Variants in FAAH2 observed in about 807,000 individuals in gnomAD.
FAAH2 encodes the protein fatty-acid amide hydrolase 2.
In FAAH2, 60 loss-of-function variants were observed where a neutral mutation model predicts 36.9. That is an observed-to-expected ratio of 1.63 (90% CI 1.32 to 2.02). The LOEUF (loss-of-function observed/expected upper bound fraction) is 2.02. FAAH2 is among the 30% of genes most tolerant of loss of function. FAAH2 has a pLI of 0.00. For synonymous variants in FAAH2, 214 were observed against 143.8 expected (o/e 1.49, Z -3.49); for missense variants, 689 against 397.5 (o/e 1.73, Z -6.23).
intron 5 of FAAH2, among the ~76,000 whole-genome samples, chrX:57,360,333 A>G (rs763105485): frequency 8.1e-5 from 9 of 110,463 alleles, no homozygotes; most frequent in Non-Finnish European, 1.7e-4. Flanking sequence ...ATGGTGTCAC[A>G]TGAGTTTCTT....
intron 10 of FAAH2, among the ~76,000 whole-genome samples, chrX:57,469,694 A>G (rs1395143077): frequency 9.0e-6 from 1 of 111,581 alleles, no homozygotes; most frequent in African/African-American, 3.3e-5. Context: ...GATCAGTGAG[A>G]CAGAAAGTTA....
the FAAH2 span, among the ~76,000 whole-genome samples, chrX:57,242,483 G>A: frequency 8.9e-6 from 1 of 112,058 alleles, no homozygotes; most frequent in Non-Finnish European, 1.9e-5. Context: ...GGCTAAACAA[G>A]AACAGTTCTG....
At chrX:57,167,095 A>C in the FAAH2 span, among the ~76,000 whole-genome samples, 4 of 111,674 alleles carry the variant, frequency 3.6e-5, no homozygotes, top group Non-Finnish European at 7.5e-5. Flanking sequence ...TGGGTGCCCT[A>C]ATGTCTGGAA....
the FAAH2 span, among the ~76,000 whole-genome samples, chrX:57,160,356 A>T: frequency 2.1e-4 from 24 of 111,935 alleles, no homozygotes; most frequent in Admixed American, 1.7e-3. Flanking sequence ...TGGCCTCATA[A>T]AATGAGTTAG....
intron 10 of FAAH2, among the ~76,000 whole-genome samples, chrX:57,457,339 C>T (rs752429538): frequency 2.1e-4 from 23 of 111,257 alleles, no homozygotes; most frequent in Non-Finnish European, 3.2e-4. Flanking sequence ...CCACAGCCAA[C>T]GTAATACTGA....
At chrX:57,381,104 A>T (rs2054835267) in intron 7 of FAAH2, 75 bp downstream of exon 7, 1 of 718,471 alleles carries the variant, frequency 1.4e-6, no homozygotes, top group African/African-American at 2.2e-5. Flanking sequence ...TACTTCACTT[A>T]CTGCCAAATA....
chrX:57,438,762 C>T (rs1375033549), intron 8 of FAAH2, among the ~76,000 whole-genome samples: 1 of 87,171 alleles, frequency 1.1e-5, no homozygotes, highest in African/African-American at 3.9e-5. Context: ...TCCCCCCACC[C>T]CACAACAGTC....
At chrX:57,311,516 A>G (rs1476477388) in intron 3 of FAAH2, among the ~76,000 whole-genome samples, 1 of 111,646 alleles carries the variant, frequency 9.0e-6, no homozygotes, top group Non-Finnish European at 1.9e-5. Flanking sequence ...GAGGGCTTGG[A>G]GCCTGGAAGC....
chrX:57,462,088 G>A (rs2056967286), intron 10 of FAAH2, among the ~76,000 whole-genome samples: 1 of 100,232 alleles, frequency 1.0e-5, no homozygotes, highest in Admixed American at 1.2e-4. Flanking sequence ...ACCCTCCCAA[G>A]GCTAAACCAG....
chrX:57,160,111 G>A, the FAAH2 span, among the ~76,000 whole-genome samples: 24 of 111,516 alleles, frequency 2.2e-4, no homozygotes, highest in South Asian at 1.1e-3. Flanking sequence ...GGTTTTTGTC[G>A]TTGGTGCTGT....
chrX:57,449,574 A>G (rs1429989713), intron 10 of FAAH2, among the ~76,000 whole-genome samples: 1 of 111,497 alleles, frequency 9.0e-6, no homozygotes, highest in Non-Finnish European at 1.9e-5. Flanking sequence ...GATATTAAAC[A>G]GTCCCTATCC....
At chrX:57,122,303 A>AT in the FAAH2 span, among the ~76,000 whole-genome samples, 1 of 110,892 alleles carries the variant, frequency 9.0e-6, no homozygotes, top group African/African-American at 3.3e-5. Flanking sequence ...TTTCTAATCG[A>AT]TTTTTTCATT....
At chrX:57,475,069 A>T (rs1414186134) in intron 10 of FAAH2, among the ~76,000 whole-genome samples, 4 of 111,758 alleles carry the variant, frequency 3.6e-5, no homozygotes, top group Non-Finnish European at 7.5e-5. Flanking sequence ...TGAAAATTTA[A>T]ATTCCCTGTA....
intron 10 of FAAH2, among the ~76,000 whole-genome samples, chrX:57,462,083 C>A (rs2056967147): frequency 9.5e-6 from 1 of 104,820 alleles, no homozygotes; most frequent in Non-Finnish European, 1.9e-5. Context: ...CATACACCCT[C>A]CCAAGGCTAA....
At chrX:57,388,825 T>C (rs1162555119) in intron 7 of FAAH2, among the ~76,000 whole-genome samples, 2 of 111,070 alleles carry the variant, frequency 1.8e-5, no homozygotes, top group African/African-American at 6.5e-5. Context: ...ACTTTTGCCT[T>C]TCCCCTAATA....
the FAAH2 span, among the ~76,000 whole-genome samples, chrX:57,238,812 C>T: frequency 1.4e-4 from 16 of 111,109 alleles, no homozygotes; most frequent in African/African-American, 4.9e-4. Flanking sequence ...CTCACCCTCA[C>T]GTAAACTATG....
chrX:57,156,866 A>G, the FAAH2 span, among the ~76,000 whole-genome samples: 2 of 111,645 alleles, frequency 1.8e-5, no homozygotes, highest in African/African-American at 6.5e-5. Context: ...CCAGACCGAC[A>G]CTAGTACTGG....
chrX:57,240,809 C>T, the FAAH2 span, among the ~76,000 whole-genome samples: 1 of 112,126 alleles, frequency 8.9e-6, no homozygotes, highest in East Asian at 2.8e-4. Flanking sequence ...TGGGAAATGC[C>T]TCAGTTGGGC....
chrX:57,483,292 G>A (rs997352353), intron 10 of FAAH2, among the ~76,000 whole-genome samples: 1 of 110,456 alleles, frequency 9.1e-6, no homozygotes, highest in African/African-American at 3.3e-5. Flanking sequence ...TCTTCTACTT[G>A]GTCTAGTCTA....
Sources: allele counts gnomAD v4.1 joint callset (sites outside exome capture counted in the v4.1 genomes callset), GRCh38; gene constraint gnomAD v4.1.1; transcripts MANE v1.5; gene names NCBI Gene and HGNC (gene_info 2026-07-23, HGNC 2026-07-21).